Variants in NCAPD2 observed in about 807,000 individuals in gnomAD.
NCAPD2 encodes condensin complex subunit 1.
NCAPD2 carries 100 observed loss-of-function variants against 164.5 expected under a neutral mutation model. That is an observed-to-expected ratio of 0.61 (90% CI 0.52 to 0.72). The LOEUF (loss-of-function observed/expected upper bound fraction) is 0.72. Ranked by LOEUF, NCAPD2 falls within the 30% of genes least tolerant of loss-of-function variation. The pLI is 0.00. For synonymous variants in NCAPD2, 585 were observed against 642.6 expected (o/e 0.91, Z 1.36); for missense variants, 1,560 against 1,749.2 (o/e 0.89, Z 1.93).
chr12:6,497,807 CA>C (rs1945997726), intron 2 of NCAPD2, among the ~76,000 whole-genome samples: 1 of 152,096 alleles, frequency 6.6e-6, no homozygotes, highest in African/African-American at 2.4e-5. Flanking sequence ...TTAGTTGAGA[CA>C]GGGTTTCACC....
chr12:6,504,182 C>CATATATATATATATATATATAT (rs1176237960), intron 2 of NCAPD2, among the ~76,000 whole-genome samples: 1 of 57,762 alleles, frequency 1.7e-5, no homozygotes, highest in Non-Finnish European at 3.1e-5. Flanking sequence ...TATATATATA[C>CATATATATATATATATATATAT]ATATATATAT....
chr12:6,525,744 G>T (rs1946311012), intron 18 of NCAPD2, 28 bp downstream of exon 18: 1 of 1,608,668 alleles, frequency 6.2e-7, no homozygotes, highest in South Asian at 1.1e-5. Context: ...CAGGCAATGG[G>T]GTGGGAGAGC....
rs56183938 is a variant in NCAPD2 at position 6,518,504 on chromosome 12, G to GTTTTTTTT, written c.1589+568_1589+575dup. Reference sequence around the variant, plus strand: ...CAAAAGCCCTTACAGCCGTCAACAAGTTTTTTTTTTTTTTTTTTTTTTTTT... The same window carrying GTTTTTTTT: ...CAAAAGCCCTTACAGCCGTCAACAAGTTTTTTTTTTTTTTTTTTTTTTTTTTTTTTTTT... On this transcript the variant is annotated intron_variant, in intron 13 of 31. Transcript: ENST00000315579. Among the ~76,000 whole-genome samples the GTTTTTTTT allele has an allele frequency of 7.5e-3, 336 of 44,714 alleles. 60 individuals carry two copies. Among genetic ancestry groups the GTTTTTTTT allele is most frequent in the South Asian group, 9.1e-3 (11 of 1,206 alleles). 29.3% of individuals were successfully genotyped at this position (44,714 alleles called of 152,430 possible).
chr12:6,526,011 C>A, intron 18 of NCAPD2, 57 bp from the exon 19 acceptor site: 3 of 1,592,208 alleles, frequency 1.9e-6, no homozygotes, highest in Admixed American at 1.7e-5. Context: ...TTGGCCCTTT[C>A]TCCCCCGATG....
rs752649373 is a variant in NCAPD2, at chr12:6,523,015, C to T, written c.2129+13C>T. ...GGGACTCTGCCAGGTATATGGGGTG[C>T]TTTTGCCTTTGCTGACTTTTCCAAG... On this transcript the variant is annotated intron_variant, in intron 16 of 31. Coordinates refer to ENST00000315579, the MANE Select transcript of NCAPD2 (RefSeq NM_014865.4). 3 of 1,612,730 alleles carry T rather than the reference C, an allele frequency of 1.9e-6. No individual in the cohort carries two copies. The South Asian group carries it at 3.3e-5, about 18-fold the overall frequency.
At chr12:6,509,920 T>C (rs1183228308) in intron 3 of NCAPD2, 128 bp downstream of exon 3, 2 of 1,246,752 alleles carry the variant, frequency 1.6e-6, no homozygotes, top group East Asian at 2.3e-5. Flanking sequence ...ATATCTCTAC[T>C]GATGAGCATG....
At chr12:6,509,013 G>A (rs1946121786) in intron 2 of NCAPD2, among the ~76,000 whole-genome samples, 1 of 151,658 alleles carries the variant, frequency 6.6e-6, no homozygotes. Context: ...AGAGGAAGGA[G>A]ACCTGACAAC....
Position 6,531,407 on chromosome 12 carries a change from T to C in NCAPD2, c.4201T>C (p.Ser1401Pro). The C allele has an allele frequency of 1.2e-6, 2 of 1,613,276 alleles. No individual in the cohort carries two copies. Among genetic ancestry groups the C allele is most frequent in the South Asian group, 2.2e-5 (2 of 91,014 alleles). Residue 1401 changes from serine to proline, a missense_variant, in exon 32 of 32, where the codon TCC (serine) becomes CCC (proline). Coordinates refer to ENST00000315579, the MANE Select transcript of NCAPD2 (RefSeq NM_014865.4). This position sits in a 1 kb window ranked among gnomAD's most constrained non-coding sequence, Gnocchi z 4.1. Reference sequence around the variant, plus strand: ...CAGAGCATCGGCTCGCAGGCACAGATCCTAGGAAGTCTGTTCCTGTCCTCC... The same window carrying C: ...CAGAGCATCGGCTCGCAGGCACAGACCCTAGGAAGTCTGTTCCTGTCCTCC... ...ILRASARRHR[S>P]
chr12:6,511,914 A>T (rs1204971485), intron 6 of NCAPD2, among the ~76,000 whole-genome samples: 1 of 149,812 alleles, frequency 6.7e-6, no homozygotes, highest in Non-Finnish European at 1.5e-5. Context: ...AACCTGGGAG[A>T]GGGAGGTTGC....
intron 2 of NCAPD2, among the ~76,000 whole-genome samples, chr12:6,505,006 T>TA (rs1946086079): frequency 6.6e-6 from 1 of 152,204 alleles, no homozygotes; most frequent in Non-Finnish European, 1.5e-5. Flanking sequence ...AGGTTTATGA[T>TA]ACTGCTTTAG....
chr12:6,516,491 G>A (rs1255483191), intron 9 of NCAPD2, among the ~76,000 whole-genome samples: 1 of 152,194 alleles, frequency 6.6e-6, no homozygotes, highest in African/African-American at 2.4e-5. Context: ...AACAGAGCAA[G>A]ACTCCGTCTC....
In NCAPD2 at chr12:6,526,919, C is replaced by G. The variant is rs771829488; in HGVS notation, c.2763C>G (p.Phe921Leu). The G allele has an allele frequency of 9.3e-6, 15 of 1,613,818 alleles. No individual in the cohort carries two copies. The South Asian group carries it at 1.6e-4, about 18-fold the overall frequency. ...AGTCCCCCGCAATGCTCCCCACTTT[C>G]CTGTTGATGAACCTGCTGTCCCTGG... ...PKESPAMLPTFLLMNLLSLAG... is the reference protein window; with the variant it reads ...PKESPAMLPTLLLMNLLSLAG... Residue 921 changes from phenylalanine (F) to leucine (L), a missense_variant, in exon 22 of 32, where the codon TTC becomes TTG. By Grantham distance (22) the Phe-to-Leu change is conservative. Coordinates refer to ENST00000315579, the MANE Select transcript of NCAPD2 (RefSeq NM_014865.4).
intron 3 of NCAPD2, 35 bp downstream of exon 3, chr12:6,509,827 A>G: frequency 6.3e-7 from 1 of 1,597,112 alleles, no homozygotes; most frequent in Non-Finnish European, 8.6e-7. Flanking sequence ...TTTAAAAAGA[A>G]CTGGTGACTG....
rs753383625 is a variant in NCAPD2 at position 6,511,144 on chromosome 12, T to A, written c.479T>A (p.Phe160Tyr). Reference sequence around the variant, plus strand: ...GCTCGGACCAAGGCAGCCCATGGCTTTGACTGGGAAGAAGAGAGGCAACCA... The same window carrying A: ...GCTCGGACCAAGGCAGCCCATGGCTATGACTGGGAAGAAGAGAGGCAACCA... ...KKARTKAAHGFDWEEERQPIL... is the reference protein window; with the variant it reads ...KKARTKAAHGYDWEEERQPIL... Residue 160 changes from phenylalanine (F) to tyrosine (Y), a missense_variant, in exon 6 of 32, where the codon TTT becomes TAT. By Grantham distance (22) the Phe-to-Tyr change is conservative. Coordinates refer to ENST00000315579, the MANE Select transcript of NCAPD2 (RefSeq NM_014865.4). 1.2e-6 allele frequency: 2 copies of A among 1,614,132 alleles called. No homozygotes were observed. Among genetic ancestry groups the A allele is most frequent in the South Asian group, 1.1e-5 (1 of 91,084 alleles).
chr12:6,529,449 T>G, intron 27 of NCAPD2, 64 bp from the exon 28 acceptor site: 1 of 1,412,804 alleles, frequency 7.1e-7, no homozygotes, highest in Non-Finnish European at 1.0e-6. Flanking sequence ...GGTCCAGGGT[T>G]GGTCTTAGTG....
At chr12:6,518,504 G>GTTTTTTTTTTTTGTTGTTTTTTTTTT (rs1946226973) in intron 13 of NCAPD2, among the ~76,000 whole-genome samples, 1 of 44,774 alleles carries the variant, frequency 2.2e-5, no homozygotes, top group South Asian at 8.3e-4. Flanking sequence ...CCGTCAACAA[G>GTTTTTTTTTTTTGTTGTTTTTTTTTT]TTTTTTTTTT....
At chr12:6,502,621 A>T (rs1325252405) in intron 2 of NCAPD2, among the ~76,000 whole-genome samples, 1 of 152,072 alleles carries the variant, frequency 6.6e-6, no homozygotes, top group Non-Finnish European at 1.5e-5. Context: ...AGTTACAAGT[A>T]TCACAGTATC....
rs1945966197 is a variant in NCAPD2 at position 6,495,177 on chromosome 12, G to A, written c.79G>A (p.Val27Ile). Reference sequence around the variant, plus strand: ...GAAAAGTGGAGGGGTGAATCAGTATGTTGTGCAAGAGGTACTGTCCATCAA... The same window carrying A: ...GAAAAGTGGAGGGGTGAATCAGTATATTGTGCAAGAGGTACTGTCCATCAA... ...LLKSGGVNQYVVQEVLSIKHL... is the reference protein window; with the variant it reads ...LLKSGGVNQYIVQEVLSIKHL... Residue 27 changes from valine to isoleucine, a missense_variant, in exon 2 of 32, where the codon GTT (valine) becomes ATT (isoleucine). By Grantham distance (29) the Val-to-Ile change is conservative. Coordinates refer to ENST00000315579, the MANE Select transcript of NCAPD2 (RefSeq NM_014865.4). 1 of 1,614,022 alleles carries A rather than the reference G, an allele frequency of 6.2e-7. No homozygotes were observed. Among genetic ancestry groups the A allele is most frequent in the Admixed American group, 1.7e-5 (1 of 59,996 alleles).
chr12:6,516,924 A>G lies in NCAPD2; in HGVS notation c.1084A>G (p.Arg362Gly). The part of the protein sequence containing the change: ...DQLEAAARDT[R>G]DQFLDTLQAH... ...ACTGGAAGCAGCAGCCCGAGACACC[A>G]GAGACCAGTTCTTGGATACTTTACA... Residue 362 changes from arginine to glycine, a missense_variant, in exon 10 of 32, where the codon AGA (arginine) becomes GGA (glycine). Coordinates refer to ENST00000315579, the MANE Select transcript of NCAPD2 (RefSeq NM_014865.4). 1 of 1,614,216 alleles carries G rather than the reference A, an allele frequency of 6.2e-7. No individual in the cohort carries two copies. Among genetic ancestry groups the G allele is most frequent in the Non-Finnish European group, 8.5e-7 (1 of 1,180,036 alleles).
Sources: gnomAD v4.1 joint callset for allele counts (sites outside exome capture counted in the v4.1 genomes callset) on GRCh38, gnomAD v4.1.1 for gene constraint, Gnocchi (gnomAD v3.1) non-coding constraint, MANE v1.5 for transcripts, NCBI Gene and HGNC (gene_info 2026-07-23, HGNC 2026-07-21) for gene names.